Variants in VWA8 observed in about 807,000 individuals in gnomAD.
VWA8 encodes the protein von Willebrand factor A domain containing 8, also known as von Willebrand factor A domain-containing protein 8.
A neutral mutation model predicts 241.5 loss-of-function variants in VWA8; 221 were observed. The observed-to-expected ratio is 0.91, with a 90% CI of 0.82 to 1.02. VWA8 has a LOEUF of 1.02. VWA8 is among the 50% of genes least tolerant of loss of function. The pLI, the probability that VWA8 is intolerant of heterozygous loss-of-function variation, is 0.00. For missense variants in VWA8, 2,322 were observed against 2,328.7 expected (o/e 1.00, Z 0.06); for synonymous variants, 852 against 827.1 (o/e 1.03, Z -0.52).
intron 4 of VWA8, among the ~76,000 whole-genome samples, chr13:41,902,663 C>T (rs1366702243): frequency 1.3e-5 from 2 of 152,022 alleles, no homozygotes; most frequent in Non-Finnish European, 2.9e-5. Flanking sequence ...AAAAAATAAA[C>T]TTTACTTTGA....
chr13:41,731,467 G>A (rs368667413), intron 22 of VWA8, among the ~76,000 whole-genome samples: 474 of 152,174 alleles, frequency 3.1e-3, no homozygotes, highest in African/African-American at 9.8e-3. Flanking sequence ...ATCTGGAATA[G>A]AAATCAATAG....
intron 4 of VWA8, 116 bp from the exon 5 acceptor site, chr13:41,891,703 T>C (rs1164519927): frequency 9.1e-7 from 1 of 1,095,738 alleles, no homozygotes; most frequent in East Asian, 2.6e-5. Context: ...CAGAAATCAA[T>C]AAAGCTGAGT....
At chr13:41,700,259 TA>T (rs2045241079) in intron 28 of VWA8, among the ~76,000 whole-genome samples, 1 of 152,068 alleles carries the variant, frequency 6.6e-6, no homozygotes, top group Non-Finnish European at 1.5e-5. Flanking sequence ...TCTGTGTGTG[TA>T]TGCATCATAT....
chr13:41,841,865 A>G (rs1409870788), intron 12 of VWA8, among the ~76,000 whole-genome samples: 1 of 111,392 alleles, frequency 9.0e-6, no homozygotes, highest in Non-Finnish European at 1.8e-5. Context: ...ATATAAAAAC[A>G]GTAGACATTT....
rs756215161 is a variant in VWA8 at position 41,690,169 on chromosome 13, G to A, written c.3973C>T (p.Gln1325Ter). 4.3e-6 allele frequency: 7 copies of A among 1,611,492 alleles called. No homozygotes were observed. The highest frequency in any genetic ancestry group is 5.1e-6 in the Non-Finnish European group (6 of 1,178,348). ...ACACAGATGACATAGTATTTACCTT[G>A]TGTAACTCCAAACCCTGTGCTGGGC... Reference protein sequence around the residue: ...EPPSTGFGVTQETEFSIPHKI... With the variant: ...EPPSTGFGVT Residue 1325 changes from glutamine (Q) to a stop codon, truncating the protein, a stop_gained, in exon 33 of 45, where the codon CAA (glutamine) becomes TAA (stop). Transcript: ENST00000379310. LOFTEE classifies it high-confidence loss of function.
intron 9 of VWA8, among the ~76,000 whole-genome samples, chr13:41,877,918 G>T (rs1873976068): frequency 6.6e-6 from 1 of 152,074 alleles, no homozygotes; most frequent in African/African-American, 2.4e-5. Context: ...CACATGATGA[G>T]CACCATCTGG....
chr13:41,705,448 A>G (rs961629803), intron 26 of VWA8, among the ~76,000 whole-genome samples: 4 of 152,320 alleles, frequency 2.6e-5, no homozygotes, highest in South Asian at 2.1e-4. Flanking sequence ...AATAAACTAT[A>G]TTTTACATTT....
At position 41,729,767 on chromosome 13, in the gene VWA8, T is replaced by C. The variant is rs930719814; in HGVS notation, c.2503-90A>G. 2.9e-5 allele frequency: 39 copies of C among 1,346,236 alleles called. No homozygotes were observed. The Admixed American group carries it at 8.1e-4, about 28-fold the overall frequency. 83.4% of individuals were successfully genotyped at this position (1,346,236 alleles called of 1,614,324 possible). ...CTTACTGCTTTGGACTTATAACAGC[T>C]GGCTTTATTTAAGTTACAAGTATAC... On this transcript the variant is annotated intron_variant, in intron 22 of 44. Coordinates refer to ENST00000379310, the MANE Select transcript of VWA8 (RefSeq NM_015058.2).
At chr13:41,655,627 T>G (rs537698302) in intron 37 of VWA8, among the ~76,000 whole-genome samples, 100 of 151,992 alleles carry the variant, frequency 6.6e-4, no homozygotes, top group African/African-American at 2.2e-3. Context: ...ATGGAATGAG[T>G]TTTTTTTCCT....
intron 2 of VWA8, among the ~76,000 whole-genome samples, chr13:41,916,653 T>C (rs1452917268): frequency 6.6e-6 from 1 of 152,220 alleles, no homozygotes; most frequent in Non-Finnish European, 1.5e-5. Flanking sequence ...GAAATTGCAC[T>C]AAACTACTGA....
At chr13:41,881,164 T>C (rs1593840614) in intron 9 of VWA8, among the ~76,000 whole-genome samples, 6 of 152,168 alleles carry the variant, frequency 3.9e-5, no homozygotes. Flanking sequence ...TTGTCCCAGA[T>C]TTCAGCCACT....
intron 14 of VWA8, among the ~76,000 whole-genome samples, chr13:41,826,913 A>C (rs528096740): frequency 1.3e-5 from 2 of 152,176 alleles, no homozygotes; most frequent in South Asian, 4.1e-4. Flanking sequence ...TTGATAGAAG[A>C]TGGAATTGAT....
chr13:41,855,722 A>G (rs1257738918), intron 12 of VWA8, among the ~76,000 whole-genome samples: 2 of 152,132 alleles, frequency 1.3e-5, no homozygotes, highest in Non-Finnish European at 2.9e-5. Flanking sequence ...GAAATGCCCT[A>G]TATCTCAATT....
At chr13:41,625,455 T>TATG (rs1337348290) in intron 37 of VWA8, among the ~76,000 whole-genome samples, 8 of 152,178 alleles carry the variant, frequency 5.3e-5, no homozygotes, top group Non-Finnish European at 1.0e-4. Context: ...AGAAGACATT[T>TATG]ATGCAGCGAA....
At chr13:41,865,661 G>A in intron 12 of VWA8, 75 bp downstream of exon 12, 1 of 1,508,608 alleles carries the variant, frequency 6.6e-7, no homozygotes, top group Non-Finnish European at 9.1e-7. Context: ...ATAACAAGAA[G>A]ATATCCATAA....
chr13:41,691,975 T>G (rs374934665), intron 30 of VWA8, 37 bp from the exon 31 acceptor site: 2 of 1,408,814 alleles, frequency 1.4e-6, no homozygotes, highest in Non-Finnish European at 2.0e-6. Context: ...ATATTAAATG[T>G]GTCAGATACA....
In VWA8 at chr13:41,907,297, A is replaced by G. The variant is rs17062624; in HGVS notation, c.483+289T>C. The stretch of plus-strand genomic sequence containing the variant: ...ATCTCCTTAATTCATTTTTTAATAA[A>G]TCAAATTTCTATAGGCAAGTAGTAG... On this transcript the variant is annotated intron_variant, in intron 4 of 44. Coordinates refer to ENST00000379310, the MANE Select transcript of VWA8 (RefSeq NM_015058.2). Among the ~76,000 whole-genome samples, 1,392 of 152,326 alleles carry G rather than the reference A, an allele frequency of 9.1e-3. 19 individuals are homozygous for G. Among genetic ancestry groups the G allele is most frequent in the African/African-American group, 0.032 (1,338 of 41,578 alleles).
chr13:41,919,766 C>T (rs763145047), intron 2 of VWA8, among the ~76,000 whole-genome samples: 3 of 152,058 alleles, frequency 2.0e-5, no homozygotes, highest in Admixed American at 1.3e-4. Flanking sequence ...GATGCCCCAA[C>T]CCTCCAGCAC....
intron 29 of VWA8, 68 bp downstream of exon 29, chr13:41,699,003 A>G: frequency 1.3e-6 from 2 of 1,595,278 alleles, no homozygotes; most frequent in Non-Finnish European, 1.7e-6. Flanking sequence ...TTTCAGTTAT[A>G]GGTTTCTAAT....
Sources: gnomAD v4.1 joint callset for allele counts (sites outside exome capture counted in the v4.1 genomes callset) on GRCh38, gnomAD v4.1.1 for gene constraint, MANE v1.5 for transcripts, NCBI Gene and HGNC (gene_info 2026-07-23, HGNC 2026-07-21) for gene names.